Variants in FMR1NB observed in about 807,000 individuals in gnomAD.
FMR1NB encodes the protein FMR1 neighbor protein.
Under a neutral mutation model 16.8 loss-of-function variants are expected in FMR1NB, and 10 were observed. The ratio of observed to expected loss-of-function variants is 0.60; its 90% confidence interval spans 0.37 to 1.01. FMR1NB has a LOEUF of 1.01. Ranked by LOEUF, FMR1NB falls within the 50% of genes least tolerant of loss-of-function variation. The probability of loss-of-function intolerance (pLI) is 0.01; values close to 1 mark genes in which losing one functional copy is unlikely to be tolerated. For synonymous variants in FMR1NB, 83 were observed against 79.1 expected, an observed-to-expected ratio of 1.05 and a Z score of -0.26; for missense variants, 205 against 204.8, an observed-to-expected ratio of 1.00 and a Z score of 0.00.
In FMR1NB at chrX:148,008,675, G is replaced by A. The variant is rs782057541; in HGVS notation, c.596G>A (p.Cys199Tyr). 4 of 1,211,910 alleles carry A rather than the reference G, an allele frequency of 3.3e-6. No homozygotes were observed. The highest frequency in any genetic ancestry group is 4.3e-5 in the Admixed American group (2 of 46,052). Reference protein sequence around the residue: ...GLGAISLILVCLPIYCRSLFW... With the variant: ...GLGAISLILVYLPIYCRSLFW... ...GGTGCGATCAGCCTTATCCTGGTATGTCTGCCCATTTATTGCCGCTCTCTT... is the reference window on the plus strand; with the variant it reads ...GGTGCGATCAGCCTTATCCTGGTATATCTGCCCATTTATTGCCGCTCTCTT... The change falls in exon 4 of 6, where the codon TGT becomes TAT. Residue 199 changes from cysteine (C) to tyrosine (Y), a missense_variant. Transcript: ENST00000370467.
chrX:148,023,955 T>C (rs1185537853), intron 4 of FMR1NB, among the ~76,000 whole-genome samples: 9 of 111,417 alleles, frequency 8.1e-5, no homozygotes. Context: ...CAAGTTACTT[T>C]CCGTCTTGGT....
Position 147,981,507 on chromosome X carries a change from G to A in FMR1NB, c.105G>A (p.Glu35=). Residue 35 remains glutamate (E), a synonymous_variant, in exon 1 of 6, where the codon GAG becomes GAA. Coordinates refer to ENST00000370467, the MANE Select transcript of FMR1NB (RefSeq NM_152578.3). ...CAACTTATGAGTTGGCGGCAACTGA[G>A]TCGAATCCCGAGAGCAGCCATCCTG... ...ELATYELAAT[E]SNPESSHPGY... 1 of 1,211,902 alleles carries A rather than the reference G, an allele frequency of 8.3e-7. No homozygotes were observed. Among genetic ancestry groups the A allele is most frequent in the Non-Finnish European group, 1.1e-6 (1 of 895,524 alleles).
At chrX:148,010,581 A>G (rs1486533991) in intron 4 of FMR1NB, among the ~76,000 whole-genome samples, 1 of 112,115 alleles carries the variant, frequency 8.9e-6, no homozygotes, top group Non-Finnish European at 1.9e-5. Flanking sequence ...AAAGAGATAG[A>G]TAAAATATTA....
At chrX:148,019,443 C>T (rs1019407961) in intron 4 of FMR1NB, among the ~76,000 whole-genome samples, 3 of 112,041 alleles carry the variant, frequency 2.7e-5, no homozygotes, top group Admixed American at 9.4e-5. Flanking sequence ...TTCACATTTT[C>T]CTGGATGGTG....
intron 1 of FMR1NB, among the ~76,000 whole-genome samples, chrX:147,997,478 T>C (rs186338444): frequency 1.2e-3 from 137 of 112,197 alleles, no homozygotes; most frequent in African/African-American, 4.3e-3. Context: ...TAAACACTTA[T>C]GTGTAAGACC....
chrX:148,022,504 A>G (rs1001012537), intron 4 of FMR1NB, among the ~76,000 whole-genome samples: 8 of 112,573 alleles, frequency 7.1e-5, no homozygotes, highest in Non-Finnish European at 1.3e-4. Context: ...ATGAGCAAAT[A>G]TATCAGTGAG....
Position 148,019,340 on chromosome X carries a change from A to T in FMR1NB, c.633-5525A>T, listed in dbSNP as rs142221333. ...CTATTGAATTTCTTTGTGTTTCCTC[A>T]AAACAGCTATTTTGAATTCTTTGTT... is the stretch of plus-strand genomic sequence containing the variant. On this transcript the variant is annotated intron_variant, in intron 4 of 5. Transcript: ENST00000370467. 3.4e-3 allele frequency among the ~76,000 whole-genome samples: 378 copies of T among 112,382 alleles called. 2 individuals carry two copies. The highest frequency in any genetic ancestry group is 0.012 in the African/African-American group (369 of 30,934).
chrX:148,005,707 A>C (rs2044592830), intron 2 of FMR1NB, among the ~76,000 whole-genome samples: 1 of 111,865 alleles, frequency 8.9e-6, no homozygotes, highest in African/African-American at 3.2e-5. Flanking sequence ...TGTGTAAAGC[A>C]AGGTTCCTGG....
At chrX:148,022,143 G>A (rs782176774) in intron 4 of FMR1NB, among the ~76,000 whole-genome samples, 2 of 111,311 alleles carry the variant, frequency 1.8e-5, no homozygotes, top group African/African-American at 3.3e-5. Context: ...CAAACAACAT[G>A]CCACCTTGTC....
At chrX:147,990,306 C>T (rs782713829) in intron 1 of FMR1NB, among the ~76,000 whole-genome samples, 2 of 111,567 alleles carry the variant, frequency 1.8e-5, no homozygotes, top group African/African-American at 3.3e-5. Context: ...ACTCACCCTC[C>T]GTGGGCTTCA....
intron 1 of FMR1NB, among the ~76,000 whole-genome samples, chrX:147,999,361 T>C (rs1557188465): frequency 2.7e-5 from 3 of 111,609 alleles, no homozygotes; most frequent in African/African-American, 9.8e-5. Context: ...CAAACAGCAA[T>C]ATGGAACTAA....
intron 1 of FMR1NB, among the ~76,000 whole-genome samples, chrX:147,982,326 G>A (rs2044452848): frequency 9.4e-6 from 1 of 106,534 alleles, no homozygotes; most frequent in Non-Finnish European, 1.9e-5. Flanking sequence ...CAGTGCTCAC[G>A]CCTGTAATCC....
At chrX:147,981,744 C>A (rs868948047) in intron 1 of FMR1NB, 65 bp downstream of exon 1, 2 of 89,397 alleles carry the variant, frequency 2.2e-5, no homozygotes, top group Non-Finnish European at 4.2e-5. Flanking sequence ...GAGAGGGGGG[C>A]GGGGTGTGGC....
chrX:148,008,509 C>A (rs2124622675), intron 3 of FMR1NB, 109 bp from the exon 4 acceptor site: 1 of 658,026 alleles, frequency 1.5e-6, no homozygotes, highest in African/African-American at 2.2e-5. Context: ...AATACCTCCT[C>A]ATTTCACTTT....
chrX:148,025,671 G>C (rs1557190952), intron 5 of FMR1NB, among the ~76,000 whole-genome samples: 1 of 112,027 alleles, frequency 8.9e-6, no homozygotes, highest in Non-Finnish European at 1.9e-5. Flanking sequence ...AGGAGACCCA[G>C]GTCATTAACT....
At position 148,006,782 on chromosome X, in the gene FMR1NB, A is replaced by G. The variant is rs782192508; in HGVS notation, c.478A>G (p.Lys160Glu). 8.3e-7 allele frequency: 1 copy of G among 1,211,198 alleles called. No individual in the cohort carries two copies. The highest frequency in any genetic ancestry group is 2.2e-5 in the Admixed American group (1 of 46,037). Residue 160 changes from lysine to glutamate, a missense_variant, in exon 3 of 6, where the codon AAA becomes GAA. Lys to Glu is a moderately conservative substitution (Grantham distance 56, BLOSUM62 1). Coordinates refer to ENST00000370467, the MANE Select transcript of FMR1NB (RefSeq NM_152578.3). ...DLSESECLRH[K>E]CCFSSSGTTS... ...TAGTGAGAGTGAATGTTTGAGACAC[A>G]AATGCTGTTTTTCATCATCGGGGAC...
At position 148,003,308 on chromosome X, in the gene FMR1NB, T is replaced by C. The variant is rs782370235; in HGVS notation, c.385T>C (p.Phe129Leu). The C allele has an allele frequency of 2.5e-6, 3 of 1,210,815 alleles. No homozygotes were observed. ...DSALEALLNF[F>L]FPTTCNLREN... ...CGCATTGGAAGCTTTGCTGAATTTT[T>C]TCTTTCCAACAAGTAAGTTCTTGTT... Residue 129 changes from phenylalanine to leucine, a missense_variant, in exon 2 of 6, where the codon TTC becomes CTC. Coordinates refer to ENST00000370467, the MANE Select transcript of FMR1NB (RefSeq NM_152578.3).
chrX:148,006,021 G>T (rs1275169142), intron 2 of FMR1NB, among the ~76,000 whole-genome samples: 1 of 111,628 alleles, frequency 9.0e-6, no homozygotes, highest in African/African-American at 3.3e-5. Context: ...TTTTTAGTTT[G>T]TATTTGTTTC....
intron 4 of FMR1NB, among the ~76,000 whole-genome samples, chrX:148,019,137 A>G (rs1277223233): frequency 3.6e-5 from 4 of 112,079 alleles, no homozygotes; most frequent in African/African-American, 9.7e-5. Context: ...AAAATAGCCT[A>G]TCTTCAAGGT....
Sources: gnomAD v4.1 joint callset for allele counts (sites outside exome capture counted in the v4.1 genomes callset) on GRCh38, gnomAD v4.1.1 for gene constraint, MANE v1.5 for transcripts, NCBI Gene and HGNC (gene_info 2026-07-23, HGNC 2026-07-21) for gene names.